The following ATXN7L1 variants were observed in gnomAD, a reference collection of about 807,000 sequenced individuals.
The protein encoded by ATXN7L1 is ataxin 7 like 1.
Under a neutral mutation model 70.8 loss-of-function variants are expected in ATXN7L1, and 15 were observed. The observed-to-expected ratio is 0.21, with a 90% CI of 0.14 to 0.33. ATXN7L1 has a LOEUF of 0.33. Among genes scored for constraint, ATXN7L1 ranks in the 10% least tolerant of loss-of-function variants. The probability of loss-of-function intolerance (pLI) is 1.00; values close to 1 mark genes in which losing one functional copy is unlikely to be tolerated. For synonymous variants in ATXN7L1, 440 were observed against 445.1 expected, an observed-to-expected ratio of 0.99 and a Z score of 0.14; for missense variants, 975 against 1,097.1, an observed-to-expected ratio of 0.89 and a Z score of 1.57.
At chr7:105,688,842 G>A (rs1005649801) in intron 3 of ATXN7L1, among the ~76,000 whole-genome samples, 3 of 152,206 alleles carry the variant, frequency 2.0e-5, no homozygotes, top group African/African-American at 7.2e-5. Flanking sequence ...GAAAATGTAT[G>A]ACTCCAGGTC....
At chr7:105,781,312 A>G (rs17152122) in intron 3 of ATXN7L1, among the ~76,000 whole-genome samples, 38,487 of 152,168 alleles carry the variant, frequency 0.25, 6,072 homozygotes, top group African/African-American at 0.43. Context: ...GTTCACCCCA[A>G]TTACAAAACT....
intron 2 of ATXN7L1, among the ~76,000 whole-genome samples, chr7:105,826,440 T>C (rs1013520898): frequency 2.6e-5 from 4 of 152,204 alleles, no homozygotes; most frequent in Non-Finnish European, 5.9e-5. Context: ...TCTGCCAATG[T>C]TGGTGGTATC....
intron 3 of ATXN7L1, among the ~76,000 whole-genome samples, chr7:105,757,296 A>C (rs1186172426): frequency 4.6e-5 from 7 of 152,152 alleles, no homozygotes; most frequent in Non-Finnish European, 8.8e-5. Flanking sequence ...AAAGATAATC[A>C]CAAGAAGGAT....
At chr7:105,743,360 G>A (rs1167023430) in intron 3 of ATXN7L1, among the ~76,000 whole-genome samples, 1 of 152,158 alleles carries the variant, frequency 6.6e-6, no homozygotes, top group East Asian at 1.9e-4. Context: ...AGCTGGATTG[G>A]AACCCAGTAC....
Position 105,689,531 on chromosome 7 carries a change from C to T in ATXN7L1, c.356-24243G>A, listed in dbSNP as rs143239405. On this transcript the variant is annotated intron_variant, in intron 3 of 11. Coordinates refer to ENST00000419735, the MANE Select transcript of ATXN7L1 (RefSeq NM_020725.2). Reference sequence around the variant, plus strand: ...ACTTGGGCTGTGGGGGTGATTGACACAGCTGGGGGCAGCCCCCATAATCAT... The same window carrying T: ...ACTTGGGCTGTGGGGGTGATTGACATAGCTGGGGGCAGCCCCCATAATCAT... 6.1e-4 allele frequency among the ~76,000 whole-genome samples: 93 copies of T among 152,296 alleles called. 1 individual carries two copies. The East Asian group carries it at 0.017, about 28-fold the overall frequency.
At chr7:105,713,197 T>C (rs1365073299) in intron 3 of ATXN7L1, among the ~76,000 whole-genome samples, 1 of 152,206 alleles carries the variant, frequency 6.6e-6, no homozygotes, top group Non-Finnish European at 1.5e-5. Context: ...TTCACCCCCA[T>C]GATCCAATCA....
At chr7:105,692,407 T>TTCCTTCCTTCCCTCCC (rs1554431617) in intron 3 of ATXN7L1, among the ~76,000 whole-genome samples, 32 of 82,298 alleles carry the variant, frequency 3.9e-4, no homozygotes, top group African/African-American at 1.2e-3. Flanking sequence ...CCTTCCTTCC[T>TTCCTTCCTTCCCTCCC]TCCTTCCTTC....
intron 3 of ATXN7L1, among the ~76,000 whole-genome samples, chr7:105,759,752 A>C (rs895424624): frequency 6.6e-6 from 1 of 152,174 alleles, no homozygotes; most frequent in Admixed American, 6.5e-5. Context: ...ATAAATGTTT[A>C]GTGTATTTTC....
intron 3 of ATXN7L1, among the ~76,000 whole-genome samples, chr7:105,706,369 T>C (rs1793166714): frequency 6.6e-6 from 1 of 152,126 alleles, no homozygotes; most frequent in South Asian, 2.1e-4. Flanking sequence ...AATTTTTTTG[T>C]ATTTTTAGTA....
At chr7:105,839,395 C>T (rs539095534) in intron 2 of ATXN7L1, among the ~76,000 whole-genome samples, 2 of 152,354 alleles carry the variant, frequency 1.3e-5, no homozygotes, top group Non-Finnish European at 2.9e-5. Flanking sequence ...ACTGCCTTCA[C>T]TCCCAGTTTG....
At chr7:105,719,850 G>A (rs758374780) in intron 3 of ATXN7L1, among the ~76,000 whole-genome samples, 6 of 152,334 alleles carry the variant, frequency 3.9e-5, no homozygotes, top group South Asian at 2.1e-4. Context: ...TTCAGCAAGC[G>A]CAGGGAACAG....
chr7:105,865,975 G>A (rs536571115), intron 2 of ATXN7L1, among the ~76,000 whole-genome samples: 1 of 152,160 alleles, frequency 6.6e-6, no homozygotes, highest in Admixed American at 6.5e-5. Flanking sequence ...TACTTTTTGA[G>A]AACTGGACTA....
At chr7:105,777,970 T>A (rs1010688788) in intron 3 of ATXN7L1, among the ~76,000 whole-genome samples, 1 of 152,248 alleles carries the variant, frequency 6.6e-6, no homozygotes, top group Non-Finnish European at 1.5e-5. Context: ...CTTGATCATG[T>A]ATTTGTTTAT....
chr7:105,875,633 C>CA (rs1563164660), intron 2 of ATXN7L1, among the ~76,000 whole-genome samples, 179 bp downstream of exon 2: 1 of 124,384 alleles, frequency 8.0e-6, no homozygotes. Flanking sequence ...CTTTACCCCC[C>CA]CCCCAGTTGT....
intron 7 of ATXN7L1, among the ~76,000 whole-genome samples, chr7:105,633,861 T>C (rs1326156099): frequency 6.6e-6 from 1 of 152,186 alleles, no homozygotes; most frequent in Non-Finnish European, 1.5e-5. Context: ...GTGTGGAAGC[T>C]GTGCTCTAGC....
chr7:105,612,451 C>T (rs565453376), intron 10 of ATXN7L1, among the ~76,000 whole-genome samples: 1 of 152,168 alleles, frequency 6.6e-6, no homozygotes, highest in Non-Finnish European at 1.5e-5. Flanking sequence ...CAGGCCCCTG[C>T]CCAGGCCTGC....
chr7:105,612,615 C>A (rs1333226288), intron 10 of ATXN7L1, among the ~76,000 whole-genome samples: 1 of 152,172 alleles, frequency 6.6e-6, no homozygotes, highest in Non-Finnish European at 1.5e-5. Flanking sequence ...GCCAGCCCCC[C>A]TCCCTCACAC....
intron 2 of ATXN7L1, chr7:105,819,909 C>G (rs1809860578): frequency 1.9e-6 from 1 of 530,814 alleles, no homozygotes; most frequent in Non-Finnish European, 3.7e-6. Context: ...ACGTGGGGCG[C>G]CTGGCTCACG....
chr7:105,819,844 G>C (rs1462217294), intron 2 of ATXN7L1: 2 of 616,806 alleles, frequency 3.2e-6, no homozygotes, highest in Admixed American at 3.8e-5. Flanking sequence ...AAAGCGGATG[G>C]TGGTTCCTGC....
Sources: gnomAD v4.1 joint callset for allele counts (sites outside exome capture counted in the v4.1 genomes callset) on GRCh38, gnomAD v4.1.1 for gene constraint, MANE v1.5 for transcripts, NCBI Gene and HGNC (gene_info 2026-07-23, HGNC 2026-07-21) for gene names.